The following ARHGAP24 variants were observed in gnomAD, a reference collection of about 807,000 sequenced individuals.
ARHGAP24 encodes the protein Rho GTPase activating protein 24, also known as rho GTPase-activating protein 24.
Under a neutral mutation model 76.4 loss-of-function variants are expected in ARHGAP24, and 50 were observed. That is an observed-to-expected ratio of 0.65 (90% CI 0.52 to 0.83). The LOEUF is 0.83. ARHGAP24 is among the 40% of genes least tolerant of loss of function. ARHGAP24 has a pLI of 0.00. For synonymous variants in ARHGAP24, 345 were observed against 323.3 expected (o/e 1.07, Z -0.72); for missense variants, 930 against 914.2 (o/e 1.02, Z -0.22).
intron 3 of ARHGAP24, among the ~76,000 whole-genome samples, chr4:85,863,242 C>G (rs1247350396): frequency 1.3e-5 from 2 of 152,010 alleles, no homozygotes; most frequent in Admixed American, 1.3e-4. Context: ...TCTTTGCAGG[C>G]TAACTCGTTT....
chr4:85,812,841 G>C (rs139563108), intron 3 of ARHGAP24, among the ~76,000 whole-genome samples: 2 of 152,304 alleles, frequency 1.3e-5, no homozygotes, highest in East Asian at 3.9e-4. Context: ...ACAAGGAACT[G>C]AATCATCTGG....
intron 3 of ARHGAP24, among the ~76,000 whole-genome samples, chr4:85,837,789 T>C (rs1305777500): frequency 1.3e-5 from 2 of 152,202 alleles, no homozygotes; most frequent in African/African-American, 2.4e-5. Flanking sequence ...GCGGGCAATG[T>C]TGTAGGGAAA....
At chr4:85,858,754 G>T (rs988362512) in intron 3 of ARHGAP24, among the ~76,000 whole-genome samples, 1 of 152,026 alleles carries the variant, frequency 6.6e-6, no homozygotes, top group Non-Finnish European at 1.5e-5. Context: ...GGCAGAGGAA[G>T]GTGATCTGTA....
chr4:85,479,274 AAAAC>A (rs1490252881), intron 1 of ARHGAP24, among the ~76,000 whole-genome samples: 21 of 152,240 alleles, frequency 1.4e-4, no homozygotes, highest in Admixed American at 1.4e-3. Flanking sequence ...AAGCAAAAGC[AAAAC>A]AAACAAAAAC....
chr4:85,757,409 C>A (rs1045012242), intron 3 of ARHGAP24, among the ~76,000 whole-genome samples: 1 of 151,762 alleles, frequency 6.6e-6, no homozygotes, highest in Non-Finnish European at 1.5e-5. Context: ...ATGTTCCCCA[C>A]CCTGTGTCCA....
intron 2 of ARHGAP24, among the ~76,000 whole-genome samples, chr4:85,625,493 T>A (rs1720911310): frequency 6.6e-6 from 1 of 152,188 alleles, no homozygotes; most frequent in Non-Finnish European, 1.5e-5. Flanking sequence ...TACTTCCAAC[T>A]ATGTGGTCAA....
At chr4:85,481,207 A>G (rs1173527038) in intron 1 of ARHGAP24, among the ~76,000 whole-genome samples, 2 of 152,200 alleles carry the variant, frequency 1.3e-5, no homozygotes, top group African/African-American at 4.8e-5. Flanking sequence ...TTTAATCCAG[A>G]TATTTTTATG....
intron 3 of ARHGAP24, among the ~76,000 whole-genome samples, chr4:85,768,833 T>A (rs1253299193): frequency 6.6e-6 from 1 of 151,936 alleles, no homozygotes; most frequent in Non-Finnish European, 1.5e-5. Flanking sequence ...GGGAGAAAAA[T>A]TTCTCCTCTA....
intron 3 of ARHGAP24, among the ~76,000 whole-genome samples, chr4:85,852,496 C>T (rs961648564): frequency 6.6e-6 from 1 of 152,178 alleles, no homozygotes; most frequent in African/African-American, 2.4e-5. Context: ...CTGTTGCTGG[C>T]GAGGAGCTGT....
chr4:85,559,985 T>C (rs1357489089), intron 1 of ARHGAP24, among the ~76,000 whole-genome samples: 1 of 152,182 alleles, frequency 6.6e-6, no homozygotes, highest in East Asian at 1.9e-4. Context: ...TACCTTTCCA[T>C]ATATGATTGG....
At chr4:85,592,427 A>G (rs1202609669) in intron 2 of ARHGAP24, among the ~76,000 whole-genome samples, 1 of 152,202 alleles carries the variant, frequency 6.6e-6, no homozygotes, top group Non-Finnish European at 1.5e-5. Context: ...TAATAATTAC[A>G]TCAGCTTAAA....
intron 4 of ARHGAP24, among the ~76,000 whole-genome samples, chr4:85,935,401 C>G (rs533225298): frequency 1.3e-5 from 2 of 152,322 alleles, no homozygotes; most frequent in East Asian, 3.9e-4. Flanking sequence ...GAACAAAAGG[C>G]TGACCACAGG....
At chr4:85,742,284 C>G (rs1476171702) in intron 3 of ARHGAP24, among the ~76,000 whole-genome samples, 1 of 152,260 alleles carries the variant, frequency 6.6e-6, no homozygotes, top group Non-Finnish European at 1.5e-5. Flanking sequence ...TGATGTCTCT[C>G]TCTTATCGTG....
chr4:85,493,955 T>G (rs1479150450), intron 1 of ARHGAP24, among the ~76,000 whole-genome samples: 1 of 152,204 alleles, frequency 6.6e-6, no homozygotes, highest in Non-Finnish European at 1.5e-5. Context: ...TAAGTTACTT[T>G]TCTTCTCTTC....
At chr4:85,486,276 G>A (rs1723045390) in intron 1 of ARHGAP24, among the ~76,000 whole-genome samples, 2 of 151,960 alleles carry the variant, frequency 1.3e-5, no homozygotes, top group Non-Finnish European at 1.5e-5. Context: ...AAATGTATGA[G>A]GGTGTTTTTT....
chr4:85,477,366 T>A (rs2110085313), intron 1 of ARHGAP24, among the ~76,000 whole-genome samples: 1 of 152,296 alleles, frequency 6.6e-6, no homozygotes, highest in African/African-American at 2.4e-5. Context: ...TGAACTATTT[T>A]GAAAATATAA....
chr4:85,961,859 G>T (rs927535022), intron 5 of ARHGAP24, among the ~76,000 whole-genome samples: 1 of 151,874 alleles, frequency 6.6e-6, no homozygotes, highest in Non-Finnish European at 1.5e-5. Flanking sequence ...ACTTCTCTTG[G>T]GAAGTCCTTG....
chr4:85,499,852 A>G (rs575062409), intron 1 of ARHGAP24, among the ~76,000 whole-genome samples: 1 of 152,310 alleles, frequency 6.6e-6, no homozygotes, highest in African/African-American at 2.4e-5. Context: ...TCTAACTTTA[A>G]TTTTAATGAA....
chr4:85,596,431 G>A (rs372213076), intron 2 of ARHGAP24, among the ~76,000 whole-genome samples: 22 of 152,098 alleles, frequency 1.4e-4, no homozygotes, highest in African/African-American at 4.3e-4. Context: ...TGCTTTGTCT[G>A]CCATAAAAAG....
Sources: allele counts gnomAD v4.1 joint callset (sites outside exome capture counted in the v4.1 genomes callset), GRCh38; gene constraint gnomAD v4.1.1; transcripts MANE v1.5; gene names NCBI Gene and HGNC (gene_info 2026-07-23, HGNC 2026-07-21).